LAMB1: variants seen among roughly 807,000 people sequenced by gnomAD.
LAMB1 encodes the protein laminin subunit beta 1, also known as laminin subunit beta-1.
Under a neutral mutation model 222.3 loss-of-function variants are expected in LAMB1, and 121 were observed. That is an observed-to-expected ratio of 0.54 (90% CI 0.47 to 0.63). LAMB1 has a LOEUF of 0.63. Among genes scored for constraint, LAMB1 ranks in the 30% least tolerant of loss-of-function variants. LAMB1 has a pLI of 0.00. For missense variants in LAMB1, 2,172 were observed against 2,240.8 expected (o/e 0.97, Z 0.62); for synonymous variants, 794 against 807.2 (o/e 0.98, Z 0.28).
intron 13 of LAMB1, among the ~76,000 whole-genome samples, chr7:107,972,133 G>A (rs1295355248): frequency 6.6e-6 from 1 of 152,204 alleles, no homozygotes; most frequent in Non-Finnish European, 1.5e-5. Flanking sequence ...ATGCTGTACT[G>A]GGTCTATGGC....
intron 3 of LAMB1, among the ~76,000 whole-genome samples, chr7:108,001,246 A>T (rs189633329): frequency 6.6e-6 from 1 of 152,384 alleles, no homozygotes; most frequent in East Asian, 1.9e-4. Context: ...TTTAATGCAC[A>T]CTTCCAAAAC....
chr7:107,970,183 G>C (rs896136163), intron 13 of LAMB1, among the ~76,000 whole-genome samples: 1 of 152,024 alleles, frequency 6.6e-6, no homozygotes, highest in Admixed American at 6.6e-5. Flanking sequence ...GCTTCACCAC[G>C]GTGAGTTCAA....
In LAMB1 at chr7:108,002,907, G is replaced by T; in HGVS notation, c.-22C>A. 1 of 1,613,606 alleles carries T rather than the reference G, an allele frequency of 6.2e-7. No individual in the cohort carries two copies. On this transcript the variant is annotated 5_prime_UTR_variant, in exon 2 of 34. Transcript: ENST00000222399. Reference sequence around the variant, plus strand: ...CCATGCCGGCTCCCTGCAGCCACGGGGACGCGGCAGAGGAGTGGAGAAGAC... The same window carrying T: ...CCATGCCGGCTCCCTGCAGCCACGGTGACGCGGCAGAGGAGTGGAGAAGAC...
intron 13 of LAMB1, among the ~76,000 whole-genome samples, chr7:107,969,711 T>C (rs1324846821): frequency 6.6e-6 from 1 of 152,228 alleles, no homozygotes; most frequent in Non-Finnish European, 1.5e-5. Flanking sequence ...GAGTATAGCC[T>C]ATTGCTCCTA....
At chr7:107,932,468 T>C in intron 27 of LAMB1, 91 bp from the exon 28 acceptor site, 3 of 1,254,080 alleles carry the variant, frequency 2.4e-6, no homozygotes, top group Admixed American at 1.8e-5. Context: ...CCCCAGAGAA[T>C]GTGTAGGTGG....
chr7:107,939,862 A>T, intron 25 of LAMB1, 127 bp downstream of exon 25: 2 of 1,093,882 alleles, frequency 1.8e-6, no homozygotes, highest in Non-Finnish European at 2.6e-6. Context: ...AATGGCTCAG[A>T]ATCTGTTCTC....
chr7:107,931,867 C>T (rs935198828), intron 28 of LAMB1: 9 of 503,998 alleles, frequency 1.8e-5, no homozygotes, highest in Non-Finnish European at 2.9e-5. Flanking sequence ...TTTTGTCATA[C>T]AGCTGGATGT....
At chr7:107,966,854 T>C (rs879484922) in intron 13 of LAMB1, among the ~76,000 whole-genome samples, 2 of 152,234 alleles carry the variant, frequency 1.3e-5, no homozygotes, top group Non-Finnish European at 2.9e-5. Flanking sequence ...CCATGAGAGC[T>C]GATCATGTGA....
chr7:107,974,907 T>C, intron 12 of LAMB1, 79 bp downstream of exon 12: 1 of 830,666 alleles, frequency 1.2e-6, no homozygotes, highest in Non-Finnish European at 2.1e-6. Flanking sequence ...TCGCAGACTC[T>C]ACAATGGCGA....
At chr7:107,976,705 C>T (rs1030885221) in intron 9 of LAMB1, among the ~76,000 whole-genome samples, 8 of 152,176 alleles carry the variant, frequency 5.3e-5, no homozygotes, top group African/African-American at 1.9e-4. Context: ...TGAAGTGAAC[C>T]TTGGAGTAAT....
chr7:107,967,416 G>A (rs145125645), intron 13 of LAMB1, among the ~76,000 whole-genome samples: 29 of 152,148 alleles, frequency 1.9e-4, no homozygotes, highest in Admixed American at 3.9e-4. Context: ...TGTCTACCAC[G>A]GGCCAACCGA....
chr7:107,971,544 A>G (rs1212914659), intron 13 of LAMB1, among the ~76,000 whole-genome samples: 1 of 152,218 alleles, frequency 6.6e-6, no homozygotes, highest in Non-Finnish European at 1.5e-5. Context: ...TAGAGTCACC[A>G]GACTACAAGG....
At chr7:107,978,466 A>C (rs894043456) in intron 8 of LAMB1, among the ~76,000 whole-genome samples, 2 of 151,394 alleles carry the variant, frequency 1.3e-5, no homozygotes, top group South Asian at 2.1e-4. Context: ...AAAAAAAAAA[A>C]AAAAAACTAG....
Position 107,952,216 on chromosome 7 carries a change from G to C in LAMB1, c.3087C>G (p.Val1029=). 1 of 1,597,014 alleles carries C rather than the reference G, an allele frequency of 6.3e-7. No homozygotes were observed. The highest frequency in any genetic ancestry group is 8.6e-7 in the Non-Finnish European group (1 of 1,166,294). The change falls in exon 23 of 34, where the codon GTC becomes GTG. Residue 1029 remains valine (V), a synonymous_variant. Transcript: ENST00000222399. The part of the protein sequence containing the change: ...DALQQDCRKC[V]CNYLGTVQEH... ...CTTGCACGGTGCCCAGGTAATTACA[G>C]ACACACTCTGCAAAAGAACATCACA... is the stretch of plus-strand genomic sequence containing the variant.
chr7:107,925,794 A>G (rs1283378841), intron 32 of LAMB1, among the ~76,000 whole-genome samples: 1 of 151,932 alleles, frequency 6.6e-6, no homozygotes, highest in African/African-American at 2.4e-5. Flanking sequence ...CTTGTAAAAT[A>G]TTCTCAAATG....
At chr7:107,993,426 G>A (rs951404820) in intron 5 of LAMB1, among the ~76,000 whole-genome samples, 1 of 152,134 alleles carries the variant, frequency 6.6e-6, no homozygotes, top group Non-Finnish European at 1.5e-5. Flanking sequence ...GAGCCACCAC[G>A]CCTGGCCCCA....
intron 3 of LAMB1, among the ~76,000 whole-genome samples, chr7:108,000,662 G>A (rs1352494792): frequency 6.6e-6 from 1 of 152,178 alleles, no homozygotes; most frequent in African/African-American, 2.4e-5. Context: ...TCCCACCTCA[G>A]CCTCCCAGAC....
chr7:107,980,248 A>G (rs2033946099), intron 8 of LAMB1, among the ~76,000 whole-genome samples: 1 of 152,080 alleles, frequency 6.6e-6, no homozygotes, highest in Non-Finnish European at 1.5e-5. Flanking sequence ...GGTTGAGATC[A>G]ATTTATGCCT....
intron 13 of LAMB1, among the ~76,000 whole-genome samples, chr7:107,968,187 C>T (rs1013759626): frequency 6.6e-6 from 1 of 152,160 alleles, no homozygotes; most frequent in Non-Finnish European, 1.5e-5. Flanking sequence ...AAGCACAAAT[C>T]CTGGCTTCTT....
Sources: gnomAD v4.1 joint callset for allele counts (sites outside exome capture counted in the v4.1 genomes callset) on GRCh38, gnomAD v4.1.1 for gene constraint, MANE v1.5 for transcripts, NCBI Gene and HGNC (gene_info 2026-07-23, HGNC 2026-07-21) for gene names.